KAT7: variants seen among roughly 807,000 people sequenced by gnomAD.
KAT7 encodes histone acetyltransferase KAT7.
KAT7 carries 10 observed loss-of-function variants against 82.1 expected under a neutral mutation model. That is an observed-to-expected ratio of 0.12 (90% CI 0.08 to 0.21). The LOEUF (loss-of-function observed/expected upper bound fraction) is 0.21, where lower values mean the gene tolerates loss of function less well. KAT7 is among the 10% of genes least tolerant of loss of function. The probability of loss-of-function intolerance (pLI) is 1.00; values close to 1 mark genes in which losing one functional copy is unlikely to be tolerated. For synonymous variants in KAT7, 250 were observed against 262.5 expected, an observed-to-expected ratio of 0.95 and a Z score of 0.46; for missense variants, 378 against 760.9, an observed-to-expected ratio of 0.50 and a Z score of 5.92.
At chr17:49,797,813 C>T (rs772625512) in intron 3 of KAT7, among the ~76,000 whole-genome samples, 7 of 152,180 alleles carry the variant, frequency 4.6e-5, no homozygotes, top group Non-Finnish European at 8.8e-5. Context: ...TCTCTTTGGC[C>T]TTGCTGAGCC....
intron 13 of KAT7, chr17:49,826,362 A>C: frequency 1.9e-6 from 1 of 521,110 alleles, no homozygotes; most frequent in South Asian, 2.9e-5. Context: ...TTTAATTCTT[A>C]TAAAAGTCAA....
chr17:49,826,809 T>TC lies in KAT7; in HGVS notation c.1734+11dup. On this transcript the variant is annotated intron_variant, in intron 14 of 14. Transcript: ENST00000259021. ...AGTTTTAAAGAGACAGGTAAGGTTC[T>TC]CATCAGGGGCTTGCTCATTGCTGGA... is the stretch of plus-strand genomic sequence containing the variant. 2 of 1,548,546 alleles carry TC rather than the reference T, an allele frequency of 1.3e-6. No homozygotes were observed. Among genetic ancestry groups the TC allele is most frequent in the Non-Finnish European group, 1.8e-6 (2 of 1,120,892 alleles).
At chr17:49,811,231 C>T (rs1290424846) in intron 6 of KAT7, among the ~76,000 whole-genome samples, 5 of 151,802 alleles carry the variant, frequency 3.3e-5, no homozygotes, top group Admixed American at 1.3e-4. Flanking sequence ...CTCAGCCTCC[C>T]GAGTAGCTGG....
intron 1 of KAT7, 193 bp downstream of exon 1, chr17:49,789,042 C>G (rs2073847313): frequency 2.2e-6 from 1 of 444,690 alleles, no homozygotes; most frequent in Admixed American, 4.4e-5. Flanking sequence ...ATGCTTGCAA[C>G]TATTCCCGCC....
intron 11 of KAT7, among the ~76,000 whole-genome samples, chr17:49,822,555 T>G (rs1314394023): frequency 2.0e-5 from 3 of 152,216 alleles, no homozygotes; most frequent in Non-Finnish European, 4.4e-5. Flanking sequence ...TTATGACTTT[T>G]AGTATAACAA....
chr17:49,817,340 T>C (rs899204649), intron 8 of KAT7, among the ~76,000 whole-genome samples: 1 of 152,186 alleles, frequency 6.6e-6, no homozygotes, highest in African/African-American at 2.4e-5. Context: ...GTATGGGTAG[T>C]AAGTTTTCTG....
At chr17:49,796,995 T>C in intron 3 of KAT7, 69 bp downstream of exon 3, 4 of 1,321,998 alleles carry the variant, frequency 3.0e-6, no homozygotes, top group Non-Finnish European at 4.3e-6. Context: ...AAGGAGGGCT[T>C]GGGGCCACTG....
intron 7 of KAT7, among the ~76,000 whole-genome samples, chr17:49,814,630 A>G (rs965731087): frequency 6.6e-6 from 1 of 152,158 alleles, no homozygotes; most frequent in Non-Finnish European, 1.5e-5. Flanking sequence ...CTTAACAAAC[A>G]TCTGCTCTGC....
At chr17:49,814,907 T>G (rs2074215090) in intron 7 of KAT7, 2 of 152,170 alleles carry the variant, frequency 1.3e-5, no homozygotes, top group South Asian at 4.1e-4. Flanking sequence ...ATCTATAATG[T>G]TTTCCTGAGA....
At chr17:49,823,902 T>G (rs746216203) in intron 12 of KAT7, among the ~76,000 whole-genome samples, 1 of 152,172 alleles carries the variant, frequency 6.6e-6, no homozygotes, top group Non-Finnish European at 1.5e-5. Context: ...GAATGCCACA[T>G]GGTTTTCGCC....
intron 6 of KAT7, among the ~76,000 whole-genome samples, chr17:49,809,748 C>G (rs1271437728): frequency 6.6e-6 from 1 of 152,190 alleles, no homozygotes; most frequent in African/African-American, 2.4e-5. Flanking sequence ...GGTCTTCACT[C>G]TTCCTGTTTT....
In KAT7 at chr17:49,796,679, TA is replaced by T. The variant is rs2073960392; in HGVS notation, c.164-68del. 1.8e-5 allele frequency: 23 copies of T among 1,247,358 alleles called. No individual in the cohort carries two copies. In the South Asian group the frequency reaches 3.5e-4, roughly 19 times the overall value. The allele number at this position is 1,247,358 out of a possible 1,614,324, so 77.3% of individuals were successfully genotyped here. A position where few individuals can be genotyped will look rare whatever the true frequency, so the allele number is the denominator to read the frequency against. ...AAGAGGAGGAGGAGCGATATTCTGA[TA>T]AATTATATGGATAGGAAGTAAAACA... On this transcript the variant is annotated intron_variant, in intron 2 of 14. Coordinates refer to ENST00000259021, the MANE Select transcript of KAT7 (RefSeq NM_007067.5).
chr17:49,811,706 A>G (rs1041662871), intron 7 of KAT7, 132 bp downstream of exon 7: 5 of 416,876 alleles, frequency 1.2e-5, no homozygotes, highest in East Asian at 7.3e-5. Flanking sequence ...TGACTCTTCT[A>G]TGGCACTTAG....
chr17:49,808,525 A>G (rs1363169734), intron 5 of KAT7, among the ~76,000 whole-genome samples: 4 of 149,094 alleles, frequency 2.7e-5, no homozygotes, highest in East Asian at 3.9e-4. Context: ...ATCTCGGCTC[A>G]CTGCAACTTC....
At chr17:49,792,633 T>C (rs1009545577) in intron 2 of KAT7, among the ~76,000 whole-genome samples, 3 of 152,130 alleles carry the variant, frequency 2.0e-5, no homozygotes, top group African/African-American at 4.8e-5. Context: ...ATCATGAGGG[T>C]AAACCAGTAC....
Position 49,815,832 on chromosome 17 carries a change from G to A in KAT7, c.882G>A (p.Arg294=). 1 of 1,612,476 alleles carries A rather than the reference G, an allele frequency of 6.2e-7. No individual in the cohort carries two copies. Among genetic ancestry groups the A allele is most frequent in the African/African-American group, 1.3e-5 (1 of 74,992 alleles). ...MEHRQTYGNT[R]EPLLENLTSE... The stretch of plus-strand genomic sequence containing the variant: ...ACAGACAGACCTATGGGAACACACG[G>A]GAACCTCTTTTAGAAAACCTGACAA... The change falls in exon 8 of 15, where the codon CGG becomes CGA. Residue 294 remains arginine (R), a synonymous_variant. Transcript: ENST00000259021.
intron 4 of KAT7, among the ~76,000 whole-genome samples, chr17:49,804,285 G>A (rs941347622): frequency 9.2e-5 from 14 of 151,918 alleles, no homozygotes; most frequent in African/African-American, 1.9e-4. Context: ...AGGCTGAGGC[G>A]GGAGAATGGC....
In KAT7 at chr17:49,817,951, C is replaced by T. The variant is rs768145602; in HGVS notation, c.1095C>T (p.Leu365=). Residue 365 remains leucine (L), a synonymous_variant, in exon 9 of 15, where the codon CTC becomes CTT. Coordinates refer to ENST00000259021, the MANE Select transcript of KAT7 (RefSeq NM_007067.5). The stretch of plus-strand genomic sequence containing the variant: ...AAGAATATGCACGGCTGGGACGTCT[C>T]TATATGTGTGAATTCTGTTTAAAAT... ...YPEEYARLGR[L]YMCEFCLKYM... The T allele has an allele frequency of 3.1e-6, 5 of 1,613,808 alleles. No individual in the cohort carries two copies. Among genetic ancestry groups the T allele is most frequent in the South Asian group, 1.1e-5 (1 of 91,068 alleles).
rs1391166859 is a variant in KAT7, at chr17:49,833,948, C to T, written c.*6446C>T. The stretch of plus-strand genomic sequence containing the variant: ...GCCAGATGTGCCTAGAGGAAGGCTA[C>T]CACCTTGTGCAATTCCAGGGGACAC... On this transcript the variant is annotated 3_prime_UTR_variant, in exon 15 of 15. Coordinates refer to ENST00000259021, the MANE Select transcript of KAT7 (RefSeq NM_007067.5). 1 of 152,184 alleles carries T rather than the reference C, an allele frequency of 6.6e-6. No individual in the cohort carries two copies. The highest frequency in any genetic ancestry group is 2.4e-5 in the African/African-American group (1 of 41,448). 9.4% of individuals were successfully genotyped at this position (152,184 alleles called of 1,614,324 possible). A position where few individuals can be genotyped will look rare whatever the true frequency, so the allele number is the denominator to read the frequency against.
Sources: gnomAD v4.1 joint callset for allele counts (sites outside exome capture counted in the v4.1 genomes callset) on GRCh38, gnomAD v4.1.1 for gene constraint, MANE v1.5 for transcripts, NCBI Gene and HGNC (gene_info 2026-07-23, HGNC 2026-07-21) for gene names.